LRRC3C: variants seen among roughly 807,000 people sequenced by gnomAD.
LRRC3C encodes the protein leucine-rich repeat-containing protein 3C.
Under a neutral mutation model 14.8 loss-of-function variants are expected in LRRC3C, and 11 were observed. The observed-to-expected ratio is 0.74, with a 90% CI of 0.47 to 1.23. LRRC3C has a LOEUF of 1.23. LRRC3C is among the 50% of genes most tolerant of loss of function. The pLI is 0.00. For synonymous variants in LRRC3C, 149 were observed against 161.5 expected (o/e 0.92, Z 0.59); for missense variants, 354 against 361.8 (o/e 0.98, Z 0.18).
rs1979023241 is a variant in LRRC3C, at chr17:39,944,321, C to T, written c.415C>T (p.Gln139Ter). 6.5e-7 allele frequency: 1 copy of T among 1,535,676 alleles called. No individual in the cohort carries two copies. Among genetic ancestry groups the T allele is most frequent in the Non-Finnish European group, 8.7e-7 (1 of 1,146,760 alleles). The change falls in exon 4 of 4, where the codon CAG (glutamine) becomes TAG (stop). Residue 139 changes from glutamine to a stop codon, truncating the protein, a stop_gained. Transcript: ENST00000377924. LOFTEE classifies it high-confidence loss of function. ...GCGCCACCTCGACCTCTCTGCCAAC[C>T]AGCTGGCCTCAGTGCCCGTGGAGGC... The part of the protein sequence containing the change: ...TLRHLDLSAN[Q>*]LASVPVEAFV...
chr17:39,927,963 A>G, intron 1 of LRRC3C, 149 bp downstream of exon 1: 1 of 751,708 alleles, frequency 1.3e-6, no homozygotes, highest in South Asian at 6.0e-5. Flanking sequence ...AAATATTCTG[A>G]CCCCAACTGC....
Position 39,944,826 on chromosome 17 carries a change from C to G in LRRC3C, c.*92C>G. 2 of 1,183,714 alleles carry G rather than the reference C, an allele frequency of 1.7e-6. No individual in the cohort carries two copies. Among genetic ancestry groups the G allele is most frequent in the African/African-American group, 3.0e-5 (2 of 65,970 alleles). The allele number at this position is 1,183,714 out of a possible 1,614,324, so 73.3% of individuals were successfully genotyped here. The stretch of plus-strand genomic sequence containing the variant: ...CCCCTCTGCCTCCTGTGCAGCTTCA[C>G]CCCTGCCCCCAAGCCCATCCCACCC... On this transcript the variant is annotated 3_prime_UTR_variant, in exon 4 of 4. Transcript: ENST00000377924.
chr17:39,929,892 A>G (rs1250940874), intron 1 of LRRC3C, among the ~76,000 whole-genome samples: 3 of 152,222 alleles, frequency 2.0e-5, no homozygotes, highest in Non-Finnish European at 4.4e-5. Flanking sequence ...GCTAAGTTAT[A>G]TGAAAAGATG....
chr17:39,941,873 C>A (rs1203160963), intron 3 of LRRC3C, among the ~76,000 whole-genome samples: 3 of 152,210 alleles, frequency 2.0e-5, no homozygotes, highest in South Asian at 2.1e-4. Flanking sequence ...CTGGCTGGTC[C>A]CTTCCTTTGA....
chr17:39,944,017 C>T lies in LRRC3C; in HGVS notation c.111C>T (p.Gly37=), dbSNP rs889989093. 63 of 1,536,098 alleles carry T rather than the reference C, an allele frequency of 4.1e-5. 2 individuals carry two copies. The Admixed American group carries it at 1.2e-3, about 29-fold the overall frequency. Residue 37 remains glycine, a synonymous_variant, in exon 4 of 4, where the codon GGC becomes GGT. Coordinates refer to ENST00000377924, the MANE Select transcript of LRRC3C (RefSeq NM_001195545.2). ...GHLLPLLLVI[G]TGGTVPSPQV... ...TCCTGCCCCTCCTGCTGGTGATAGG[C>T]ACAGGGGGTACTGTGCCCAGCCCCC...
intron 1 of LRRC3C, among the ~76,000 whole-genome samples, chr17:39,933,477 G>A (rs1457498518): frequency 2.6e-5 from 4 of 152,206 alleles, no homozygotes; most frequent in African/African-American, 7.2e-5. Context: ...GCTCACGCCT[G>A]TAATCCCAGC....
At chr17:39,928,942 A>G (rs569591643) in intron 1 of LRRC3C, among the ~76,000 whole-genome samples, 1 of 152,186 alleles carries the variant, frequency 6.6e-6, no homozygotes, top group South Asian at 2.1e-4. Flanking sequence ...CAATATTTCC[A>G]GGGCCAATGG....
In LRRC3C at chr17:39,944,591, A is replaced by G. The variant is rs1362342086; in HGVS notation, c.685A>G (p.Met229Val). 1.3e-6 allele frequency: 2 copies of G among 1,535,000 alleles called. No homozygotes were observed. The highest frequency in any genetic ancestry group is 2.7e-5 in the African/African-American group (2 of 72,948). ...RSTDVALLVT[M>V]GGWLTLMVAY... is the part of the protein sequence containing the mutation. Reference sequence around the variant, plus strand: ...CACCGATGTGGCCCTGCTGGTCACCATGGGGGGCTGGCTGACACTCATGGT... The same window carrying G: ...CACCGATGTGGCCCTGCTGGTCACCGTGGGGGGCTGGCTGACACTCATGGT... The change falls in exon 4 of 4, where the codon ATG (methionine) becomes GTG (valine). Residue 229 changes from methionine (M) to valine (V), a missense_variant. Met to Val is a conservative substitution (Grantham distance 21, BLOSUM62 1). Transcript: ENST00000377924.
chr17:39,934,830 AT>A (rs1333234510), intron 1 of LRRC3C: 1 of 152,198 alleles, frequency 6.6e-6, no homozygotes. Context: ...GCCCATTTTT[AT>A]GGTTATTTCT....
chr17:39,931,395 G>A (rs1466645210), intron 1 of LRRC3C, among the ~76,000 whole-genome samples: 2 of 136,592 alleles, frequency 1.5e-5, no homozygotes, highest in Non-Finnish European at 3.0e-5. Context: ...GCAGTGAGCC[G>A]AGATCATACC....
chr17:39,928,876 G>C (rs746469380), intron 1 of LRRC3C, among the ~76,000 whole-genome samples: 5 of 152,202 alleles, frequency 3.3e-5, no homozygotes, highest in African/African-American at 1.2e-4. Flanking sequence ...GAGGCACTTA[G>C]TGGTCACCAG....
chr17:39,941,904 T>C (rs941984268), intron 3 of LRRC3C, among the ~76,000 whole-genome samples: 5 of 152,100 alleles, frequency 3.3e-5, no homozygotes, highest in African/African-American at 1.2e-4. Flanking sequence ...TCATTGAGGC[T>C]CTGAATCCCA....
chr17:39,938,254 G>A (rs539606157), intron 2 of LRRC3C, among the ~76,000 whole-genome samples: 1 of 152,306 alleles, frequency 6.6e-6, no homozygotes, highest in East Asian at 1.9e-4. Flanking sequence ...AAGTTAGGGG[G>A]TTTTCTTTCT....
intron 2 of LRRC3C, among the ~76,000 whole-genome samples, chr17:39,938,108 G>T (rs1373921534): frequency 6.6e-6 from 1 of 152,102 alleles, no homozygotes; most frequent in African/African-American, 2.4e-5. Context: ...CTCCAGCCTG[G>T]GCGACAGAGT....
At chr17:39,939,317 TTCTC>T in intron 2 of LRRC3C, 1 of 979,306 alleles carries the variant, frequency 1.0e-6, no homozygotes, top group Non-Finnish European at 1.2e-6. Flanking sequence ...TTAATACTTA[TTCTC>T]TCTCTGTGCT....
At chr17:39,932,734 G>A (rs1978684274) in intron 1 of LRRC3C, among the ~76,000 whole-genome samples, 1 of 151,576 alleles carries the variant, frequency 6.6e-6, no homozygotes, top group Non-Finnish European at 1.5e-5. Context: ...CTCCAGCCTG[G>A]GCAATAAAGC....
Position 39,941,548 on chromosome 17 carries a change from G to A in LRRC3C, c.25G>A (p.Val9Ile), listed in dbSNP as rs1243133613. The A allele has an allele frequency of 7.8e-6, 12 of 1,535,272 alleles. No homozygotes were observed. The highest frequency in any genetic ancestry group is 2.7e-5 in the African/African-American group (2 of 72,858). ...AATGCGTATGACCTCATCTTCCTTCGTGTAAGTATATCCACCCCTAGTCTC... is the reference window on the plus strand; with the variant it reads ...AATGCGTATGACCTCATCTTCCTTCATGTAAGTATATCCACCCCTAGTCTC... MRMTSSSFVSYCTPGLCQF... is the reference protein window; with the variant it reads MRMTSSSFISYCTPGLCQF... The change falls in exon 3 of 4, where the codon GTA becomes ATA. Residue 9 changes from valine to isoleucine, a missense_variant and splice_region_variant. Coordinates refer to ENST00000377924, the MANE Select transcript of LRRC3C (RefSeq NM_001195545.2).
At chr17:39,939,801 A>C (rs545329148) in intron 2 of LRRC3C, among the ~76,000 whole-genome samples, 1 of 152,322 alleles carries the variant, frequency 6.6e-6, no homozygotes, top group South Asian at 2.1e-4. Flanking sequence ...GTTTGCACTC[A>C]GACTCCCTTA....
chr17:39,932,527 A>ACCCCCCCCCCCCCCCC (rs147624649), intron 1 of LRRC3C, among the ~76,000 whole-genome samples: 22 of 71,288 alleles, frequency 3.1e-4, no homozygotes, highest in East Asian at 5.1e-4. Context: ...ACGTAATGAG[A>ACCCCCCCCCCCCCCCC]CCCCCCCCCC....
Sources: allele counts gnomAD v4.1 joint callset (sites outside exome capture counted in the v4.1 genomes callset), GRCh38; gene constraint gnomAD v4.1.1; transcripts MANE v1.5; gene names NCBI Gene and HGNC (gene_info 2026-07-23, HGNC 2026-07-21).